The following CDH13 variants were observed in gnomAD, a reference collection of about 807,000 sequenced individuals.
The protein encoded by CDH13 is cadherin 13, also known as cadherin-13.
CDH13 carries 24 observed loss-of-function variants against 63.8 expected under a neutral mutation model. That is an observed-to-expected ratio of 0.38 (90% CI 0.27 to 0.53). The LOEUF (loss-of-function observed/expected upper bound fraction) is 0.53. CDH13 is among the 20% of genes least tolerant of loss of function. CDH13 has a pLI of 0.85. For synonymous variants in CDH13, 503 were observed against 355.3 expected (o/e 1.42, Z -4.67); for missense variants, 1,049 against 903.1 (o/e 1.16, Z -2.07).
At chr16:83,345,598 C>T (rs1056125198) in intron 6 of CDH13, among the ~76,000 whole-genome samples, 2 of 152,160 alleles carry the variant, frequency 1.3e-5, no homozygotes, top group Non-Finnish European at 2.9e-5. Context: ...GCTGTCTTTT[C>T]CCATGTTTAA....
At chr16:83,727,805 C>G (rs925355169) in intron 10 of CDH13, among the ~76,000 whole-genome samples, 3 of 152,108 alleles carry the variant, frequency 2.0e-5, no homozygotes, top group African/African-American at 7.2e-5. Context: ...TGGCTGACAA[C>G]TTTGCTCACC....
At chr16:83,170,549 A>C (rs1422423137) in intron 4 of CDH13, among the ~76,000 whole-genome samples, 1 of 152,154 alleles carries the variant, frequency 6.6e-6, no homozygotes, top group Non-Finnish European at 1.5e-5. Flanking sequence ...TTTTCCGGAC[A>C]GCTATCTGTC....
intron 3 of CDH13, among the ~76,000 whole-genome samples, chr16:83,121,768 A>G (rs1312590418): frequency 6.6e-6 from 1 of 152,178 alleles, no homozygotes; most frequent in Non-Finnish European, 1.5e-5. Flanking sequence ...TAGCAGTAAA[A>G]TTACTGAGTG....
intron 1 of CDH13, among the ~76,000 whole-genome samples, chr16:82,792,578 C>A (rs9926507): frequency 2.1e-3 from 325 of 152,246 alleles, no homozygotes; most frequent in African/African-American, 7.7e-3. Flanking sequence ...ATAAGGCCCC[C>A]TAGATAGAAG....
chr16:83,483,074 A>G (rs1340559071), intron 6 of CDH13, among the ~76,000 whole-genome samples: 2 of 152,204 alleles, frequency 1.3e-5, no homozygotes, highest in East Asian at 3.9e-4. Flanking sequence ...AATGTTGAAA[A>G]CAGGGAAACC....
intron 5 of CDH13, among the ~76,000 whole-genome samples, chr16:83,231,251 T>A (rs549097215): frequency 6.6e-6 from 1 of 152,196 alleles, no homozygotes; most frequent in African/African-American, 2.4e-5. Flanking sequence ...GATCATGGCA[T>A]GCCGGTACCC....
chr16:82,883,322 T>C (rs2040769816), intron 2 of CDH13, among the ~76,000 whole-genome samples: 1 of 152,186 alleles, frequency 6.6e-6, no homozygotes, highest in African/African-American at 2.4e-5. Flanking sequence ...CATCACATCA[T>C]TGTATTTAAT....
At position 82,907,373 on chromosome 16, in the gene CDH13, A is replaced by G. The variant is rs148305207; in HGVS notation, c.157+48900A>G. ...CAAGGGCTCCACAAACCCCTGTTTA[A>G]TCATAATCCCTTTACTGTAGGGATT... On this transcript the variant is annotated intron_variant, in intron 2 of 13. Coordinates refer to ENST00000567109, the MANE Select transcript of CDH13 (RefSeq NM_001257.5). Among the ~76,000 whole-genome samples, 650 of 152,250 alleles carry G rather than the reference A, an allele frequency of 4.3e-3. 3 individuals are homozygous for G. The highest frequency in any genetic ancestry group is 0.015 in the African/African-American group (605 of 41,546).
chr16:83,676,284 C>A (rs1003524304), intron 9 of CDH13, among the ~76,000 whole-genome samples: 1 of 152,172 alleles, frequency 6.6e-6, no homozygotes, highest in Admixed American at 6.5e-5. Flanking sequence ...AGATGTCAGA[C>A]CAAACTAGGC....
At chr16:83,497,925 C>G (rs1284520840) in intron 7 of CDH13, among the ~76,000 whole-genome samples, 1 of 152,218 alleles carries the variant, frequency 6.6e-6, no homozygotes, top group Non-Finnish European at 1.5e-5. Flanking sequence ...AGAAACTAAT[C>G]ATGGGTGATG....
chr16:83,372,221 G>A (rs910589689), intron 6 of CDH13, among the ~76,000 whole-genome samples: 4 of 152,156 alleles, frequency 2.6e-5, no homozygotes, highest in Non-Finnish European at 5.9e-5. Context: ...TGAGTCTCAG[G>A]GAGGTGAAAT....
chr16:83,324,410 C>T (rs1413128777), intron 5 of CDH13, among the ~76,000 whole-genome samples: 1 of 152,160 alleles, frequency 6.6e-6, no homozygotes, highest in African/African-American at 2.4e-5. Flanking sequence ...TCCAACACCC[C>T]CTCTTTCCTA....
At chr16:83,784,911 G>C (rs1353034039) in intron 13 of CDH13, among the ~76,000 whole-genome samples, 1 of 152,122 alleles carries the variant, frequency 6.6e-6, no homozygotes, top group Non-Finnish European at 1.5e-5. Flanking sequence ...ACTTAACCTC[G>C]ATTATCTCAC....
chr16:82,955,303 T>C (rs1165554510), intron 2 of CDH13, among the ~76,000 whole-genome samples: 2 of 152,346 alleles, frequency 1.3e-5, no homozygotes, highest in East Asian at 3.9e-4. Flanking sequence ...ATCAGGCACT[T>C]GCAGACATAG....
intron 6 of CDH13, among the ~76,000 whole-genome samples, chr16:83,475,386 G>A (rs765346685): frequency 2.0e-5 from 3 of 152,184 alleles, no homozygotes; most frequent in Admixed American, 1.3e-4. Context: ...CATGTTCAAG[G>A]TGGCCTGGCT....
intron 6 of CDH13, among the ~76,000 whole-genome samples, chr16:83,454,522 C>T (rs1255668170): frequency 6.6e-6 from 1 of 152,142 alleles, no homozygotes; most frequent in Admixed American, 6.5e-5. Flanking sequence ...ATCATAAGCA[C>T]ATCCCAGATT....
chr16:82,629,016 T>C (rs1001531163), intron 1 of CDH13, among the ~76,000 whole-genome samples: 1 of 152,220 alleles, frequency 6.6e-6, no homozygotes, highest in African/African-American at 2.4e-5. Flanking sequence ...GCACTTACCA[T>C]TGCCTTGTCC....
Position 83,169,527 on chromosome 16 carries a change from C to CT in CDH13, c.483+44035dup, listed in dbSNP as rs555535605. On this transcript the variant is annotated intron_variant, in intron 4 of 13. Coordinates refer to ENST00000567109, the MANE Select transcript of CDH13 (RefSeq NM_001257.5). ...GATGAAAATGATAAGGTACTGTGGC[C>CT]TTTTTTTTTGCCATTTAAAAAACAG... Among the ~76,000 whole-genome samples the CT allele has an allele frequency of 5.2e-3, 783 of 149,620 alleles. 7 individuals carry two copies. The highest frequency in any genetic ancestry group is 0.013 in the African/African-American group (524 of 40,656).
At chr16:83,244,354 G>A (rs960406700) in intron 5 of CDH13, among the ~76,000 whole-genome samples, 4 of 152,054 alleles carry the variant, frequency 2.6e-5, no homozygotes, top group African/African-American at 9.7e-5. Flanking sequence ...ATAGCACATG[G>A]AAGATACTCA....
Sources: allele counts gnomAD v4.1 joint callset (sites outside exome capture counted in the v4.1 genomes callset), GRCh38; gene constraint gnomAD v4.1.1; transcripts MANE v1.5; gene names NCBI Gene and HGNC (gene_info 2026-07-23, HGNC 2026-07-21).